Variants in ACYP2 observed in about 807,000 individuals in gnomAD.
The protein encoded by ACYP2 is acylphosphatase 2, also known as acylphosphatase-2.
A neutral mutation model predicts 11.2 loss-of-function variants in ACYP2; 12 were observed. The ratio of observed to expected loss-of-function variants is 1.08; its 90% CI spans 0.69 to 1.74. The LOEUF is 1.74. Among genes scored for constraint, ACYP2 ranks in the 40% most tolerant of loss-of-function variants. The pLI is 0.00. For synonymous variants in ACYP2, 43 were observed against 32.2 expected (o/e 1.33, Z -1.13); for missense variants, 134 against 101.9 (o/e 1.31, Z -1.35).
intron 4 of ACYP2, among the ~76,000 whole-genome samples, chr2:54,097,403 T>C (rs1440418345): frequency 5.3e-5 from 8 of 152,252 alleles, no homozygotes; most frequent in Admixed American, 3.9e-4. Flanking sequence ...AAGTATTCAT[T>C]GAATAAATGA....
rs928960934 is a variant in ACYP2, at chr2:54,092,675, A to T, written c.277+35315A>T. ...CTGTAACTTGGCCCCCTGACATTCT[A>T]GTAAGGTTCTCCTAATGGAACCAAC... On this transcript the variant is annotated intron_variant, in intron 4 of 6. Coordinates refer to ENST00000607452, the MANE Select transcript of ACYP2 (RefSeq NM_001320586.2). Among the ~76,000 whole-genome samples the T allele has an allele frequency of 3.9e-5, 6 of 152,166 alleles. No homozygotes were observed. In the East Asian group the frequency reaches 1.2e-3, roughly 29 times the overall value.
intron 2 of ACYP2, among the ~76,000 whole-genome samples, chr2:53,979,878 G>C (rs1671667619): frequency 6.6e-6 from 1 of 151,888 alleles, no homozygotes; most frequent in African/African-American, 2.4e-5. Flanking sequence ...TTTTAGTAGA[G>C]ACAAGGTTTC....
chr2:54,057,049 A>G (rs1185657659), intron 3 of ACYP2, among the ~76,000 whole-genome samples: 2 of 152,208 alleles, frequency 1.3e-5, no homozygotes, highest in African/African-American at 4.8e-5. Flanking sequence ...CCAATAATTC[A>G]GATAAAATAG....
intron 2 of ACYP2, among the ~76,000 whole-genome samples, chr2:54,015,106 C>G (rs1188335934): frequency 1.3e-5 from 2 of 152,166 alleles, no homozygotes; most frequent in African/African-American, 4.8e-5. Flanking sequence ...GTAGCTCATG[C>G]CTGTAATCCC....
intron 6 of ACYP2, among the ~76,000 whole-genome samples, chr2:54,207,024 A>G (rs1439865594): frequency 6.6e-6 from 1 of 151,088 alleles, no homozygotes; most frequent in Non-Finnish European, 1.5e-5. Context: ...GTGTGTGTAT[A>G]TGTGTGCATG....
At chr2:54,043,808 C>T (rs111563530) in intron 2 of ACYP2, among the ~76,000 whole-genome samples, 1 of 152,144 alleles carries the variant, frequency 6.6e-6, no homozygotes, top group African/African-American at 2.4e-5. Context: ...GGCAGCGATA[C>T]ATCAACCCCT....
chr2:54,138,177 G>T (rs150588589), intron 5 of ACYP2, among the ~76,000 whole-genome samples: 1 of 151,870 alleles, frequency 6.6e-6, no homozygotes, highest in Non-Finnish European at 1.5e-5. Flanking sequence ...TGGAAATTTC[G>T]AAGTGTTGTA....
intron 5 of ACYP2, among the ~76,000 whole-genome samples, chr2:54,137,702 T>C (rs2103780909): frequency 6.6e-6 from 1 of 152,352 alleles, no homozygotes; most frequent in South Asian, 2.1e-4. Flanking sequence ...TTTAGGTTGA[T>C]TCCATGTCTT....
At chr2:54,023,826 G>A (rs899879647) in intron 2 of ACYP2, among the ~76,000 whole-genome samples, 1 of 152,140 alleles carries the variant, frequency 6.6e-6, no homozygotes, top group Admixed American at 6.6e-5. Flanking sequence ...ACAAAAAAAT[G>A]TCCAGGACCA....
chr2:54,064,759 C>T (rs1322106665), intron 4 of ACYP2, among the ~76,000 whole-genome samples: 1 of 152,126 alleles, frequency 6.6e-6, no homozygotes, highest in Non-Finnish European at 1.5e-5. Flanking sequence ...TTTGGAAGAG[C>T]TCTTTCAGAC....
intron 6 of ACYP2, among the ~76,000 whole-genome samples, chr2:54,165,564 C>T (rs1350792211): frequency 6.7e-6 from 1 of 150,226 alleles, no homozygotes; most frequent in East Asian, 1.9e-4. Flanking sequence ...CACACACACA[C>T]ACACACACAT....
chr2:54,256,207 C>T, intron 6 of ACYP2: 1 of 1,533,644 alleles, frequency 6.5e-7, no homozygotes, highest in Admixed American at 2.1e-5. Context: ...TAGGTAGCGT[C>T]AACGTTCCTC....
chr2:54,019,202 G>A (rs573003536), intron 2 of ACYP2, among the ~76,000 whole-genome samples: 1 of 151,670 alleles, frequency 6.6e-6, no homozygotes, highest in Non-Finnish European at 1.5e-5. Context: ...TAGTAGCTGG[G>A]CCTGTAGGTG....
At chr2:54,133,472 T>C (rs1681044448) in intron 4 of ACYP2, among the ~76,000 whole-genome samples, 1 of 152,188 alleles carries the variant, frequency 6.6e-6, no homozygotes, top group Admixed American at 6.5e-5. Flanking sequence ...AATTTCCAAA[T>C]TTACCATGTG....
At chr2:54,056,730 T>A (rs1041220823) in intron 3 of ACYP2, among the ~76,000 whole-genome samples, 12 of 152,336 alleles carry the variant, frequency 7.9e-5, no homozygotes, top group South Asian at 2.1e-4. Context: ...ATATTGCATG[T>A]TGTGTATGTC....
chr2:54,260,374 G>A (rs1234385240), intron 6 of ACYP2, among the ~76,000 whole-genome samples: 1 of 152,070 alleles, frequency 6.6e-6, no homozygotes, highest in Non-Finnish European at 1.5e-5. Context: ...CTAAAGTATT[G>A]TCAGACAATG....
chr2:54,171,928 C>T (rs1200827681), intron 6 of ACYP2, among the ~76,000 whole-genome samples: 5 of 151,962 alleles, frequency 3.3e-5, no homozygotes, highest in Admixed American at 3.3e-4. Context: ...AATTGATATT[C>T]TTGGGTTGGG....
chr2:54,115,838 A>G, intron 4 of ACYP2, 82 bp downstream of exon 1: 3 of 1,403,656 alleles, frequency 2.1e-6, no homozygotes, highest in Non-Finnish European at 2.8e-6. Flanking sequence ...TCCCACCTAA[A>G]GTATGCCTTT....
intron 6 of ACYP2, among the ~76,000 whole-genome samples, chr2:54,201,617 TTTCTTTGTTTCTTTC>T (rs1194511211): frequency 1.2e-5 from 1 of 85,816 alleles, no homozygotes. Context: ...TCTTTCTTTC[TTTCTTTGTTTCTTTC>T]TTTCTCTTTC....
Sources: gnomAD v4.1 joint callset for allele counts (sites outside exome capture counted in the v4.1 genomes callset) on GRCh38, gnomAD v4.1.1 for gene constraint, MANE v1.5 for transcripts, NCBI Gene and HGNC (gene_info 2026-07-23, HGNC 2026-07-21) for gene names.